NOL10: variants seen among roughly 807,000 people sequenced by gnomAD.
NOL10 encodes the protein nucleolar protein 10.
Under a neutral mutation model 103.5 loss-of-function variants are expected in NOL10, and 58 were observed. The ratio of observed to expected loss-of-function variants is 0.56; its 90% CI spans 0.45 to 0.70. NOL10 has a LOEUF of 0.70. NOL10 is among the 30% of genes least tolerant of loss of function. The pLI, the probability that NOL10 is intolerant of heterozygous loss-of-function variation, is 0.00. For synonymous variants in NOL10, 287 were observed against 282.5 expected (o/e 1.02, Z -0.16); for missense variants, 763 against 807.3 (o/e 0.95, Z 0.67).
At chr2:10,575,062 T>C (rs1572217514) in intron 20 of NOL10, among the ~76,000 whole-genome samples, 1 of 152,372 alleles carries the variant, frequency 6.6e-6, no homozygotes. Context: ...TGGGTGCTTC[T>C]GCCTCCTCTT....
intron 3 of NOL10, among the ~76,000 whole-genome samples, 167 bp from the exon 4 acceptor site, chr2:10,676,038 G>A (rs1403582904): frequency 1.3e-5 from 2 of 152,162 alleles, no homozygotes; most frequent in Admixed American, 6.6e-5. Context: ...AGGAAAAACT[G>A]AGCAAAAGCT....
intron 17 of NOL10, among the ~76,000 whole-genome samples, chr2:10,593,837 T>TGG (rs1329074199): frequency 1.3e-5 from 2 of 152,070 alleles, no homozygotes; most frequent in Non-Finnish European, 2.9e-5. Context: ...TGACCTACAG[T>TGG]GGTCAGTTCT....
At chr2:10,603,400 G>A (rs1225406911) in intron 14 of NOL10, among the ~76,000 whole-genome samples, 1 of 152,074 alleles carries the variant, frequency 6.6e-6, no homozygotes, top group Non-Finnish European at 1.5e-5. Context: ...TATGAACTAA[G>A]ACAAAGAGGG....
intron 8 of NOL10, among the ~76,000 whole-genome samples, chr2:10,665,549 CG>C (rs1680514615): frequency 6.6e-6 from 1 of 152,166 alleles, no homozygotes; most frequent in Non-Finnish European, 1.5e-5. Context: ...AAGGAATTTC[CG>C]GAAGCCCAGT....
chr2:10,631,338 T>C (rs1212903885), intron 13 of NOL10, among the ~76,000 whole-genome samples: 1 of 152,162 alleles, frequency 6.6e-6, no homozygotes. Flanking sequence ...GTTAAAAGCA[T>C]GGAGAGAAAA....
chr2:10,615,746 T>G (rs1676800123), intron 13 of NOL10, among the ~76,000 whole-genome samples: 2 of 152,076 alleles, frequency 1.3e-5, no homozygotes, highest in African/African-American at 4.8e-5. Flanking sequence ...GACAAGAACT[T>G]CAAGGCTCTA....
rs1045600 is a variant in NOL10 at position 10,571,796 on chromosome 2, G to A, written c.*275C>T. The stretch of plus-strand genomic sequence containing the variant: ...ATTTCACAATATTAAAAAAACCCCA[G>A]CCTGGTTTTCATGATTAACGCCGTG... On this transcript the variant is annotated 3_prime_UTR_variant, in exon 21 of 21. Transcript: ENST00000381685. The A allele has an allele frequency of 0.19, 57,882 of 297,920 alleles. 8,859 individuals carry two copies. The highest frequency in any genetic ancestry group is 0.45 in the African/African-American group (20,502 of 45,858). The allele number at this position is 297,920 out of a possible 1,614,324, so 18.5% of individuals were successfully genotyped here.
At chr2:10,630,043 C>T (rs1236534034) in intron 13 of NOL10, among the ~76,000 whole-genome samples, 1 of 152,196 alleles carries the variant, frequency 6.6e-6, no homozygotes. Context: ...CCCACCTCAT[C>T]CTCCCAAAGT....
At chr2:10,679,679 G>A (rs967725930) in intron 3 of NOL10, among the ~76,000 whole-genome samples, 8 of 151,892 alleles carry the variant, frequency 5.3e-5, no homozygotes, top group East Asian at 2.0e-4. Context: ...AGGGTGGAGC[G>A]CAGTGGCGCG....
chr2:10,628,698 GACT>G, intron 13 of NOL10, among the ~76,000 whole-genome samples: 1 of 152,224 alleles, frequency 6.6e-6, no homozygotes, highest in South Asian at 2.1e-4. Context: ...TGCACCTGGT[GACT>G]ACGTCATACC....
intron 13 of NOL10, among the ~76,000 whole-genome samples, chr2:10,615,785 G>A (rs1259637907): frequency 6.6e-6 from 1 of 152,162 alleles, no homozygotes; most frequent in African/African-American, 2.4e-5. Flanking sequence ...ATGAGGCACA[G>A]GCCCGAATAA....
chr2:10,683,787 G>C (rs1191650326), intron 2 of NOL10, among the ~76,000 whole-genome samples: 3 of 152,206 alleles, frequency 2.0e-5, no homozygotes, highest in Non-Finnish European at 4.4e-5. Flanking sequence ...AGACCCAAGA[G>C]GGGAACTGGC....
rs145004553 is a variant in NOL10 at position 10,677,709 on chromosome 2, G to C, written c.212-1838C>G. Reference sequence around the variant, plus strand: ...GCTGGTCTCAAACTCCTGGGCTCAAGTGATCCACCCACCTCAGCCTCCCAA... The same window carrying C: ...GCTGGTCTCAAACTCCTGGGCTCAACTGATCCACCCACCTCAGCCTCCCAA... On this transcript the variant is annotated intron_variant, in intron 3 of 20. Transcript: ENST00000381685. Among the ~76,000 whole-genome samples the C allele has an allele frequency of 2.4e-3, 367 of 152,228 alleles. 3 individuals are homozygous for C. Among genetic ancestry groups the C allele is most frequent in the African/African-American group, 8.5e-3 (353 of 41,538 alleles).
intron 13 of NOL10, among the ~76,000 whole-genome samples, chr2:10,622,518 C>A (rs1677209976): frequency 2.1e-5 from 3 of 145,274 alleles, no homozygotes; most frequent in Admixed American, 2.0e-4. Flanking sequence ...AAAATAAACA[C>A]CCCCAAAAGA....
At chr2:10,634,422 C>G in intron 13 of NOL10, 1 of 448,640 alleles carries the variant, frequency 2.2e-6, no homozygotes, top group Non-Finnish European at 4.5e-6. Flanking sequence ...AATGGAGACC[C>G]TGGCAGGTGG....
intron 19 of NOL10, among the ~76,000 whole-genome samples, chr2:10,581,412 G>C (rs889477037): frequency 4.8e-4 from 13 of 27,340 alleles, no homozygotes; most frequent in Non-Finnish European, 1.3e-4. Flanking sequence ...CATCGTCAGA[G>C]AACAACATAC....
At chr2:10,651,756 A>C (rs955354387) in intron 12 of NOL10, among the ~76,000 whole-genome samples, 2 of 152,136 alleles carry the variant, frequency 1.3e-5, no homozygotes, top group Admixed American at 1.3e-4. Flanking sequence ...TACTTAACCG[A>C]GACCCTGGTG....
chr2:10,606,322 G>A (rs1047217394), intron 14 of NOL10, among the ~76,000 whole-genome samples: 6 of 151,612 alleles, frequency 4.0e-5, no homozygotes, highest in Non-Finnish European at 8.8e-5. Context: ...CATGTAGAAC[G>A]CTTAGAATAC....
Position 10,571,068 on chromosome 2 carries a change from C to A in NOL10, c.*1003G>T, listed in dbSNP as rs1335272549. 3 of 152,178 alleles carry A rather than the reference C, an allele frequency of 2.0e-5. No homozygotes were observed. Among genetic ancestry groups the A allele is most frequent in the Non-Finnish European group, 4.4e-5 (3 of 68,046 alleles). 9.4% of individuals were successfully genotyped at this position (152,178 alleles called of 1,614,324 possible). A position where few individuals can be genotyped will look rare whatever the true frequency, so the allele number is the denominator to read the frequency against. The stretch of plus-strand genomic sequence containing the variant: ...GAAAAGCTCTAATGAGCATTTTCCT[C>A]CAATGTCATGTCAGTGCTTGATATG... On this transcript the variant is annotated 3_prime_UTR_variant, in exon 21 of 21. Coordinates refer to ENST00000381685, the MANE Select transcript of NOL10 (RefSeq NM_024894.4).
Sources: gnomAD v4.1 joint callset for allele counts (sites outside exome capture counted in the v4.1 genomes callset) on GRCh38, gnomAD v4.1.1 for gene constraint, MANE v1.5 for transcripts, NCBI Gene and HGNC (gene_info 2026-07-23, HGNC 2026-07-21) for gene names.